Variants in TYW1B observed in about 807,000 individuals in gnomAD.
The protein encoded by TYW1B is tRNA-yW synthesizing protein 1 homolog B.
Under a neutral mutation model 86.9 loss-of-function variants are expected in TYW1B, and 73 were observed. The observed-to-expected ratio is 0.84, with a 90% confidence interval of 0.70 to 1.02. The LOEUF is 1.02. Ranked by LOEUF, TYW1B falls within the 50% of genes least tolerant of loss-of-function variation. TYW1B has a pLI of 0.00. For missense variants in TYW1B, 637 were observed against 827.4 expected, an observed-to-expected ratio of 0.77 and a Z score of 2.82; for synonymous variants, 248 against 292.8, an observed-to-expected ratio of 0.85 and a Z score of 1.56.
At chr7:72,685,418 T>C (rs1554449186) in intron 11 of TYW1B, among the ~76,000 whole-genome samples, 8 of 152,312 alleles carry the variant, frequency 5.3e-5, no homozygotes. Flanking sequence ...AATCCAACTA[T>C]ATCAGATCCC....
chr7:72,755,090 T>C (rs1554465751), intron 7 of TYW1B, among the ~76,000 whole-genome samples: 1 of 152,146 alleles, frequency 6.6e-6, no homozygotes, highest in Non-Finnish European at 1.5e-5. Flanking sequence ...TGACAGGGTT[T>C]AGCACACTGC....
chr7:72,815,265 T>C (rs1303818789), intron 3 of TYW1B, 115 bp downstream of exon 3: 60 of 975,902 alleles, frequency 6.1e-5, no homozygotes, highest in Non-Finnish European at 8.4e-5. Flanking sequence ...TGAAATCCCT[T>C]AGCACGAAAA....
Position 72,703,381 on chromosome 7 carries a change from C to A in TYW1B, c.1371-8559G>T, listed in dbSNP as rs369407486. Among the ~76,000 whole-genome samples the A allele has an allele frequency of 6.7e-3, 1,014 of 151,802 alleles. 12 individuals are homozygous for A. The highest frequency in any genetic ancestry group is 0.021 in the African/African-American group (873 of 41,368). ...CTTTTTGACCCACAAGTAAATAAGA[C>A]GTGTGTTGCTTAAATTCCAGAATAT... On this transcript the variant is annotated intron_variant, in intron 10 of 13. Coordinates refer to ENST00000620995, the MANE Select transcript of TYW1B (RefSeq NM_001145440.3).
chr7:72,768,786 C>A (rs1328770465), intron 7 of TYW1B: 129 of 134,994 alleles, frequency 9.6e-4, no homozygotes, highest in Admixed American at 9.5e-4. Flanking sequence ...GACTCCATCT[C>A]AAAAAAAAAA....
intron 2 of TYW1B, among the ~76,000 whole-genome samples, chr7:72,819,392 A>G (rs1554480034): frequency 6.6e-6 from 1 of 152,168 alleles, no homozygotes; most frequent in African/African-American, 2.4e-5. Context: ...AGACTGTCTT[A>G]GTCCATTTTG....
At chr7:72,815,068 C>CAAAA (rs576240918) in intron 3 of TYW1B, among the ~76,000 whole-genome samples, 5 of 73,106 alleles carry the variant, frequency 6.8e-5, no homozygotes, top group African/African-American at 2.1e-4. Flanking sequence ...GACTCCATCT[C>CAAAA]AAAAAAAAAA....
chr7:72,661,215 C>G (rs141356466), intron 11 of TYW1B, among the ~76,000 whole-genome samples: 499 of 41,820 alleles, frequency 0.012, 20 homozygotes, highest in Non-Finnish European at 0.02. Flanking sequence ...CTGCTGAATT[C>G]TAGGGAGGTC....
chr7:72,694,861 A>T (rs1814278038), intron 10 of TYW1B, 39 bp from the exon 11 acceptor site: 1 of 1,582,068 alleles, frequency 6.3e-7, no homozygotes. Context: ...AAGAAAAATT[A>T]TTCCTCTATC....
chr7:72,718,497 T>A (rs1491001000), intron 9 of TYW1B, among the ~76,000 whole-genome samples: 3 of 151,458 alleles, frequency 2.0e-5, no homozygotes, highest in Non-Finnish European at 4.4e-5. Context: ...TGCAAGTAAA[T>A]CCCCAAGAGA....
chr7:72,593,192 T>C (rs1421235069), intron 13 of TYW1B, among the ~76,000 whole-genome samples: 1 of 151,168 alleles, frequency 6.6e-6, no homozygotes, highest in Non-Finnish European at 1.5e-5. Context: ...CTCGGGGGGC[T>C]GAGGCAGGAG....
At chr7:72,737,646 A>G (rs1172865659) in intron 8 of TYW1B, among the ~76,000 whole-genome samples, 1 of 152,140 alleles carries the variant, frequency 6.6e-6, no homozygotes, top group African/African-American at 2.4e-5. Flanking sequence ...CAACCTCAGT[A>G]TGATGTGATC....
intron 11 of TYW1B, among the ~76,000 whole-genome samples, chr7:72,653,853 G>A (rs543838600): frequency 6.6e-5 from 10 of 152,206 alleles, no homozygotes; most frequent in South Asian, 2.1e-4. Context: ...AGGCCGAAGC[G>A]GGTGGATCAC....
chr7:72,583,243 G>A (rs782693789), intron 13 of TYW1B, among the ~76,000 whole-genome samples: 1 of 152,110 alleles, frequency 6.6e-6, no homozygotes, highest in Non-Finnish European at 1.5e-5. Flanking sequence ...CCAGCTACTC[G>A]GGAGGCTGAA....
At chr7:72,584,362 T>C (rs1811224892) in intron 13 of TYW1B, among the ~76,000 whole-genome samples, 1 of 152,162 alleles carries the variant, frequency 6.6e-6, no homozygotes, top group Non-Finnish European at 1.5e-5. Flanking sequence ...TGTTTTTTGT[T>C]TGTTTGTTTG....
chr7:72,607,303 G>A (rs1168028734), intron 13 of TYW1B, among the ~76,000 whole-genome samples: 1 of 148,156 alleles, frequency 6.7e-6, no homozygotes, highest in Admixed American at 6.9e-5. Flanking sequence ...TGAGGCAGGA[G>A]AATCACTTGA....
At chr7:72,616,930 A>G in intron 12 of TYW1B, 91 bp from the exon 13 acceptor site, 2 of 1,532,146 alleles carry the variant, frequency 1.3e-6, no homozygotes, top group East Asian at 2.3e-5. Flanking sequence ...CTTGAGGTCA[A>G]CCAATGCAAT....
intron 11 of TYW1B, among the ~76,000 whole-genome samples, chr7:72,640,345 G>C (rs1554441347): frequency 6.6e-6 from 1 of 152,016 alleles, no homozygotes; most frequent in Non-Finnish European, 1.5e-5. Context: ...AAGTCCTTCA[G>C]ATGGAAGCAG....
chr7:72,648,338 T>C (rs1183554776), intron 11 of TYW1B, among the ~76,000 whole-genome samples: 1 of 151,390 alleles, frequency 6.6e-6, no homozygotes, highest in East Asian at 1.9e-4. Context: ...AGGTCAGGAG[T>C]TTGAGACCAG....
At chr7:72,772,489 C>A (rs1205399338) in intron 7 of TYW1B, among the ~76,000 whole-genome samples, 2 of 151,948 alleles carry the variant, frequency 1.3e-5, no homozygotes, top group African/African-American at 2.4e-5. Context: ...AATGTTGACC[C>A]AAAGAGAGAA....
Sources: gnomAD v4.1 joint callset for allele counts (sites outside exome capture counted in the v4.1 genomes callset) on GRCh38, gnomAD v4.1.1 for gene constraint, MANE v1.5 for transcripts, NCBI Gene and HGNC (gene_info 2026-07-23, HGNC 2026-07-21) for gene names.